The following NECAB2 variants were observed in gnomAD, a reference collection of about 807,000 sequenced individuals.
NECAB2 encodes N-terminal EF-hand calcium binding protein 2.
NECAB2 carries 68 observed loss-of-function variants against 51.9 expected under a neutral mutation model. The observed-to-expected ratio is 1.31, with a 90% CI of 1.08 to 1.60. The LOEUF is 1.60. Ranked by LOEUF, NECAB2 falls within the 40% of genes most tolerant of loss-of-function variation. The probability of loss-of-function intolerance (pLI) is 0.00; values close to 1 mark genes in which losing one functional copy is unlikely to be tolerated. For synonymous variants in NECAB2, 329 were observed against 203.5 expected, an observed-to-expected ratio of 1.62 and a Z score of -5.25; for missense variants, 854 against 490.3, an observed-to-expected ratio of 1.74 and a Z score of -7.00.
intron 11 of NECAB2, among the ~76,000 whole-genome samples, 155 bp from the exon 12 acceptor site, chr16:84,001,670 C>T (rs1479400674): frequency 9.6e-6 from 1 of 104,380 alleles, no homozygotes; most frequent in South Asian, 2.8e-4. Flanking sequence ...CCTCCCTGGG[C>T]ACCCCCTCAC....
chr16:83,984,036 T>C (rs1390062864), intron 5 of NECAB2, among the ~76,000 whole-genome samples: 19 of 143,042 alleles, frequency 1.3e-4, no homozygotes, highest in East Asian at 4.7e-4. Flanking sequence ...CGCTCTGTCA[T>C]CCAGGCTGGA....
intron 2 of NECAB2, among the ~76,000 whole-genome samples, chr16:83,976,707 C>A (rs1391536941): frequency 6.6e-6 from 1 of 150,994 alleles, no homozygotes; most frequent in Non-Finnish European, 1.5e-5. Flanking sequence ...GCGATGGGGG[C>A]ATCTTGGGAT....
chr16:83,980,968 C>T, intron 4 of NECAB2, 62 bp from the exon 5 acceptor site: 2 of 1,604,074 alleles, frequency 1.2e-6, no homozygotes, highest in Middle Eastern at 1.7e-4. Context: ...GTGGGAGGTG[C>T]AGGAGTGCTG....
chr16:83,976,005 T>C (rs920126248), intron 2 of NECAB2, among the ~76,000 whole-genome samples: 1 of 152,034 alleles, frequency 6.6e-6, no homozygotes, highest in African/African-American at 2.4e-5. Context: ...CTGGCCTCTG[T>C]CTGCCTGCTC....
intron 11 of NECAB2, among the ~76,000 whole-genome samples, chr16:84,001,590 T>TA (rs1555550131): frequency 6.6e-6 from 1 of 151,886 alleles, no homozygotes; most frequent in African/African-American, 2.4e-5. Flanking sequence ...GTGCAATGAG[T>TA]GGGGGGATCC....
chr16:83,994,605 G>T lies in NECAB2; in HGVS notation c.716-4G>T. The T allele has an allele frequency of 6.2e-7, 1 of 1,614,032 alleles. No individual in the cohort carries two copies. Among genetic ancestry groups the T allele is most frequent in the Non-Finnish European group, 8.5e-7 (1 of 1,180,000 alleles). ...AAGTCTGTGTGTCTCTTTCTCTACCGCAGCCACGGAGGATGCAAAGGAAGA... is the reference window on the plus strand; with the variant it reads ...AAGTCTGTGTGTCTCTTTCTCTACCTCAGCCACGGAGGATGCAAAGGAAGA... On this transcript the variant is annotated splice_polypyrimidine_tract_variant and splice_region_variant and intron_variant, in intron 7 of 12. Coordinates refer to ENST00000305202, the MANE Select transcript of NECAB2 (RefSeq NM_019065.3).
At chr16:83,999,899 G>T (rs368620368) in intron 10 of NECAB2, among the ~76,000 whole-genome samples, 1 of 137,630 alleles carries the variant, frequency 7.3e-6, no homozygotes, top group African/African-American at 3.6e-5. Context: ...AAGGTTTTTT[G>T]AGACCAAATC....
chr16:83,984,434 G>T (rs1479428813), intron 5 of NECAB2, among the ~76,000 whole-genome samples: 1 of 151,106 alleles, frequency 6.6e-6, no homozygotes, highest in African/African-American at 2.4e-5. Context: ...TTCAATAAAA[G>T]ATCTGCTGCC....
At chr16:83,966,128 T>A, upstream of NECAB2, 1 of 819,424 alleles carries the variant, frequency 1.2e-6, no homozygotes, top group Non-Finnish European at 1.9e-6. Context: ...TTGCTGGCCT[T>A]TGGGGTCAAG....
chr16:84,001,171 C>T (rs182181101), intron 11 of NECAB2, among the ~76,000 whole-genome samples: 6 of 152,262 alleles, frequency 3.9e-5, no homozygotes, highest in East Asian at 1.9e-4. Flanking sequence ...ATTGTTCCAG[C>T]GACTAACCTC....
At chr16:83,965,431 C>A, upstream of NECAB2, 1 of 1,590,456 alleles carries the variant, frequency 6.3e-7, no homozygotes, top group Non-Finnish European at 8.5e-7. Flanking sequence ...CGGCCTCAGA[C>A]CCTGTCCTCA....
rs1315482881 is a variant in NECAB2, at chr16:84,002,680, ATTC to A, written c.*339_*341del. On this transcript the variant is annotated 3_prime_UTR_variant, in exon 13 of 13. Coordinates refer to ENST00000305202, the MANE Select transcript of NECAB2 (RefSeq NM_019065.3). ...ACCACACCCTGCCCTCTTCGGTGAC[ATTC>A]TTCTACCTAGTAGGAGTCATGCCCC... The A allele has an allele frequency of 1.3e-5, 5 of 398,244 alleles. No individual in the cohort carries two copies. Among genetic ancestry groups the A allele is most frequent in the Non-Finnish European group, 2.3e-5 (5 of 214,388 alleles). 24.7% of individuals were successfully genotyped at this position (398,244 alleles called of 1,614,324 possible).
intron 2 of NECAB2, among the ~76,000 whole-genome samples, chr16:83,977,900 G>T (rs1362035622): frequency 2.0e-5 from 3 of 152,206 alleles, no homozygotes; most frequent in South Asian, 4.1e-4. Flanking sequence ...AGCATGCAGA[G>T]ACCACTTGGC....
upstream of NECAB2, chr16:83,966,216 C>G (rs1597186293): frequency 5.3e-6 from 3 of 566,128 alleles, no homozygotes; most frequent in East Asian, 8.7e-5. Context: ...CAGGGTTGGC[C>G]TAGACCTGGG....
In NECAB2 at chr16:83,968,661, G is replaced by GCGGCGCGCCTGTGCAGGGC. The variant is rs1167172726; in HGVS notation, c.22_40dup (p.His14ProfsTer69). ...CGGGCGCGGCGCGATGTGCGAGCGGGCGGCGCGCCTGTGCAGGGCCGGCGC... is the reference window on the plus strand; with the variant it reads ...CGGGCGCGGCGCGATGTGCGAGCGGGCGGCGCGCCTGTGCAGGGCCGGCGCGCCTGTGCAGGGCCGGCGC... On this transcript the variant is annotated frameshift_variant, in exon 1 of 13. Transcript: ENST00000305202. LOFTEE classifies it high-confidence loss of function. The GCGGCGCGCCTGTGCAGGGC allele has an allele frequency of 2.0e-6, 2 of 981,988 alleles. No individual in the cohort carries two copies. The highest frequency in any genetic ancestry group is 2.4e-6 in the Non-Finnish European group (2 of 829,328). 60.8% of individuals were successfully genotyped at this position (981,988 alleles called of 1,614,324 possible). A position where few individuals can be genotyped will look rare whatever the true frequency, so the allele number is the denominator to read the frequency against.
chr16:83,998,402 C>G (rs1015305444), intron 10 of NECAB2, 85 bp downstream of exon 10: 3 of 1,329,900 alleles, frequency 2.3e-6, no homozygotes, highest in African/African-American at 2.9e-5. Flanking sequence ...TAGGCTTTGC[C>G]CTAAGTAGTA....
intron 11 of NECAB2, 134 bp downstream of exon 11, chr16:84,000,935 T>A: frequency 1.2e-6 from 1 of 827,712 alleles, no homozygotes; most frequent in Non-Finnish European, 1.9e-6. Flanking sequence ...ATCTACCCGC[T>A]GGCATGCTTG....
At chr16:83,985,164 T>C (rs2084536591) in intron 5 of NECAB2, among the ~76,000 whole-genome samples, 1 of 150,712 alleles carries the variant, frequency 6.6e-6, no homozygotes, top group African/African-American at 2.4e-5. Flanking sequence ...AATACAAAAA[T>C]TAGCCGAGCG....
upstream of NECAB2, chr16:83,966,221 C>G: frequency 1.8e-6 from 1 of 560,138 alleles, no homozygotes; most frequent in Non-Finnish European, 3.1e-6. Context: ...TTGGCCTAGA[C>G]CTGGGATTTG....
Sources: allele counts gnomAD v4.1 joint callset (sites outside exome capture counted in the v4.1 genomes callset), GRCh38; gene constraint gnomAD v4.1.1; transcripts MANE v1.5; gene names NCBI Gene and HGNC (gene_info 2026-07-23, HGNC 2026-07-21).